SBNO1: variants seen among roughly 807,000 people sequenced by gnomAD.
SBNO1 encodes the protein protein strawberry notch homolog 1.
A neutral mutation model predicts 173.6 loss-of-function variants in SBNO1; 23 were observed. That is an observed-to-expected ratio of 0.13 (90% CI 0.10 to 0.19). The LOEUF (loss-of-function observed/expected upper bound fraction) is 0.19. SBNO1 is among the 10% of genes least tolerant of loss of function. SBNO1 has a pLI of 1.00. For synonymous variants in SBNO1, 632 were observed against 571.5 expected, an observed-to-expected ratio of 1.11 and a Z score of -1.51; for missense variants, 1,238 against 1,671.2, an observed-to-expected ratio of 0.74 and a Z score of 4.52.
At chr12:123,311,001 G>A in intron 25 of SBNO1, 54 bp downstream of exon 25, 1 of 1,253,574 alleles carries the variant, frequency 8.0e-7, no homozygotes, top group Middle Eastern at 1.9e-4. Flanking sequence ...ATATCATAAT[G>A]GACTTTAATA....
Position 123,315,427 on chromosome 12 carries a change from A to G in SBNO1, c.3066T>C (p.Gly1022=), listed in dbSNP as rs6488868. Residue 1022 remains glycine, a synonymous_variant, in exon 23 of 32, where the codon GGT becomes GGC. Transcript: ENST00000602398. The part of the protein sequence containing the change: ...RLESLGALTH[G]DRRATESRDL... ...CTCTAGATTCTGTTGCCCTTCTATC[A>G]CCATGTGTAAGTGCCCCCTGTTAAA... is the stretch of plus-strand genomic sequence containing the variant. 0.72 allele frequency: 1,163,064 copies of G among 1,610,636 alleles called. 424,183 individuals carry two copies. Among genetic ancestry groups the G allele is most frequent in the East Asian group, 0.96 (43,173 of 44,848 alleles).
intron 7 of SBNO1, among the ~76,000 whole-genome samples, chr12:123,332,323 C>T (rs1252326391): frequency 6.6e-6 from 1 of 152,094 alleles, no homozygotes; most frequent in East Asian, 1.9e-4. Flanking sequence ...GACAGTTTTG[C>T]TCTTGTTGCC....
At chr12:123,349,997 G>C (rs59384609) in intron 2 of SBNO1, among the ~76,000 whole-genome samples, 4,503 of 152,166 alleles carry the variant, frequency 0.03, 223 homozygotes, top group African/African-American at 0.1. Context: ...GCTCGCACCT[G>C]TAATCCCAAC....
intron 1 of SBNO1, among the ~76,000 whole-genome samples, chr12:123,362,768 CAAAAAAAA>C (rs10587512): frequency 1.3e-5 from 1 of 76,496 alleles, no homozygotes; most frequent in African/African-American, 5.8e-5. Context: ...GACTCCGCCT[CAAAAAAAA>C]AAAAAAAAAA....
intron 28 of SBNO1, among the ~76,000 whole-genome samples, chr12:123,305,598 C>T (rs1185111448): frequency 1.3e-5 from 2 of 152,060 alleles, no homozygotes; most frequent in African/African-American, 2.4e-5. Context: ...CTCAGCCTCC[C>T]GAGTAGCTGG....
chr12:123,331,452 A>G, intron 7 of SBNO1, 77 bp from the exon 8 acceptor site: 1 of 1,243,656 alleles, frequency 8.0e-7, no homozygotes, highest in Non-Finnish European at 1.1e-6. Flanking sequence ...CTGTTTTAGG[A>G]GTAGGAATAT....
intron 5 of SBNO1, among the ~76,000 whole-genome samples, chr12:123,337,028 A>C (rs1871932884): frequency 6.6e-6 from 1 of 152,210 alleles, no homozygotes; most frequent in Non-Finnish European, 1.5e-5. Flanking sequence ...CCAAAACCCC[A>C]GAAGACTGGA....
intron 7 of SBNO1, among the ~76,000 whole-genome samples, 170 bp from the exon 8 acceptor site, chr12:123,331,545 G>A (rs1323415054): frequency 2.0e-5 from 3 of 151,550 alleles, no homozygotes; most frequent in Admixed American, 6.6e-5. Flanking sequence ...TTTTTGAGAC[G>A]GAGTCTCGCT....
Position 123,341,015 on chromosome 12 carries a change from C to T in SBNO1, c.624G>A (p.Met208Ile). The T allele has an allele frequency of 1.3e-6, 2 of 1,599,926 alleles. No individual in the cohort carries two copies. The highest frequency in any genetic ancestry group is 1.7e-6 in the Non-Finnish European group (2 of 1,171,084). The change falls in exon 5 of 32, where the codon ATG (methionine) becomes ATA (isoleucine). Residue 208 changes from methionine (M) to isoleucine (I), a missense_variant. This residue lies in a region of SBNO1 where 287 missense variants were observed against 274.1 expected (regional missense o/e 1.05). Coordinates refer to ENST00000602398, the MANE Select transcript of SBNO1 (RefSeq NM_001167856.3). ...TGGTTGGGGAAAAACTCCTCATCTT[C>T]ATGTCGTTTATCCACATTCTAGCTC... The part of the protein sequence containing the change: ...KEGARMWIND[M>I]KMRSFSPTMK...
At chr12:123,350,988 G>T (rs1046295808) in intron 1 of SBNO1, among the ~76,000 whole-genome samples, 3 of 152,160 alleles carry the variant, frequency 2.0e-5, no homozygotes, top group Admixed American at 6.6e-5. Context: ...CACATGTGGT[G>T]GCGGGTGCCT....
At chr12:123,317,739 G>A (rs1566031791) in intron 20 of SBNO1, among the ~76,000 whole-genome samples, 1 of 152,136 alleles carries the variant, frequency 6.6e-6, no homozygotes, top group South Asian at 2.1e-4. Flanking sequence ...CTTCAAGAGG[G>A]CATACAAGCC....
At chr12:123,357,058 A>C (rs999228852) in intron 1 of SBNO1, among the ~76,000 whole-genome samples, 1 of 152,078 alleles carries the variant, frequency 6.6e-6, no homozygotes, top group Non-Finnish European at 1.5e-5. Flanking sequence ...ACAAATATTA[A>C]GTGTCTACTG....
rs1046215144 is a variant in SBNO1, at chr12:123,346,862, G to T, written c.237+1167C>A. Among the ~76,000 whole-genome samples, 3 of 151,958 alleles carry T rather than the reference G, an allele frequency of 2.0e-5. No individual in the cohort carries two copies. The South Asian group carries it at 6.2e-4, about 31-fold the overall frequency. ...GGACGCTGAGATGGGCACATTACCT[G>T]AGGTCAGGAGCTCAAGACTAGCATG... On this transcript the variant is annotated intron_variant, in intron 3 of 31. Coordinates refer to ENST00000602398, the MANE Select transcript of SBNO1 (RefSeq NM_001167856.3).
intron 3 of SBNO1, among the ~76,000 whole-genome samples, chr12:123,346,969 T>C (rs1210928992): frequency 6.7e-6 from 1 of 150,102 alleles, no homozygotes; most frequent in African/African-American, 2.4e-5. Flanking sequence ...TCCCAGCTGC[T>C]TGGAAGGTTA....
chr12:123,311,435 G>A (rs984388742), intron 24 of SBNO1, among the ~76,000 whole-genome samples: 4 of 151,668 alleles, frequency 2.6e-5, no homozygotes, highest in Admixed American at 6.6e-5. Context: ...AGCGCAGTGC[G>A]CGATCTCAGC....
At chr12:123,297,208 A>G (rs2048628266) in intron 31 of SBNO1, among the ~76,000 whole-genome samples, 2 of 150,628 alleles carry the variant, frequency 1.3e-5, no homozygotes, top group African/African-American at 4.9e-5. Flanking sequence ...AAAAAAATAT[A>G]AAAATTAGCC....
intron 31 of SBNO1, among the ~76,000 whole-genome samples, chr12:123,296,305 A>G (rs1223157313): frequency 2.6e-5 from 4 of 152,264 alleles, no homozygotes; most frequent in African/African-American, 7.2e-5. Flanking sequence ...GAAGTCAAGA[A>G]TATCTATTAT....
intron 4 of SBNO1, among the ~76,000 whole-genome samples, chr12:123,341,871 A>G (rs985066253): frequency 3.3e-5 from 5 of 151,948 alleles, no homozygotes; most frequent in Non-Finnish European, 7.4e-5. Flanking sequence ...AAACATGTAA[A>G]CCCATGTGTC....
rs748938871 is a variant in SBNO1, at chr12:123,348,150, A to T, written c.133-17T>A. The T allele has an allele frequency of 9.8e-6, 13 of 1,324,432 alleles. No individual in the cohort carries two copies. Among genetic ancestry groups the T allele is most frequent in the Non-Finnish European group, 1.3e-5 (13 of 980,984 alleles). The allele number at this position is 1,324,432 out of a possible 1,614,324, so 82.0% of individuals were successfully genotyped here. A position where few individuals can be genotyped will look rare whatever the true frequency, so the allele number is the denominator to read the frequency against. On this transcript the variant is annotated splice_polypyrimidine_tract_variant and intron_variant, in intron 2 of 31. Transcript: ENST00000602398. ...TGGCACTGACTGGAGAGAAAACAAC[A>T]TCAGACAAAAAATAAAAGGACAGCA... is the stretch of plus-strand genomic sequence containing the variant.
Sources: allele counts gnomAD v4.1 joint callset (sites outside exome capture counted in the v4.1 genomes callset), GRCh38; gene constraint gnomAD v4.1.1; regional missense constraint gnomAD v4.1.1; transcripts MANE v1.5; gene names NCBI Gene and HGNC (gene_info 2026-07-23, HGNC 2026-07-21).